Variants in UBAC2 observed in about 807,000 individuals in gnomAD.
UBAC2 encodes ubiquitin-associated domain-containing protein 2.
A neutral mutation model predicts 44.0 loss-of-function variants in UBAC2; 26 were observed. That is an observed-to-expected ratio of 0.59 (90% CI 0.43 to 0.82). The LOEUF is 0.82. Ranked by LOEUF, UBAC2 falls within the 40% of genes least tolerant of loss-of-function variation. UBAC2 has a pLI of 0.00. For missense variants in UBAC2, 329 were observed against 419.4 expected (o/e 0.78, Z 1.88); for synonymous variants, 155 against 154.3 (o/e 1.00, Z -0.04).
chr13:99,236,757 G>A (rs951442953), intron 1 of UBAC2, among the ~76,000 whole-genome samples: 1 of 152,154 alleles, frequency 6.6e-6, no homozygotes, highest in South Asian at 2.1e-4. Context: ...GGCTGAGGCA[G>A]GAGAATCACT....
intron 7 of UBAC2, among the ~76,000 whole-genome samples, chr13:99,363,864 C>T (rs1179961570): frequency 6.6e-6 from 1 of 152,226 alleles, no homozygotes; most frequent in Non-Finnish European, 1.5e-5. Context: ...AATTCAGGAA[C>T]ATGCTGAATC....
chr13:99,297,808 TA>T (rs752253836), intron 4 of UBAC2, among the ~76,000 whole-genome samples: 4,204 of 143,820 alleles, frequency 0.029, 93 homozygotes, highest in African/African-American at 0.064. Context: ...CGGTTTAGAT[TA>T]AAAAAAAAAA....
chr13:99,209,202 G>A (rs900141091), intron 1 of UBAC2, among the ~76,000 whole-genome samples: 1 of 151,984 alleles, frequency 6.6e-6, no homozygotes, highest in Non-Finnish European at 1.5e-5. Context: ...AGGCCATCGA[G>A]CCCCTACCTC....
In UBAC2 at chr13:99,242,609, C is replaced by T. The variant is rs1475323967; in HGVS notation, c.160-1223C>T. On this transcript the variant is annotated intron_variant, in intron 2 of 8. Transcript: ENST00000403766. ...GCAGAGGCGCCCCTCACCTCCCAGA[C>T]GGGGTGGCTGGCCAGGCGGGGGGCT... Among the ~76,000 whole-genome samples, 9 of 132,682 alleles carry T rather than the reference C, an allele frequency of 6.8e-5. No homozygotes were observed. The East Asian group carries it at 1.6e-3, about 24-fold the overall frequency. 87.0% of individuals were successfully genotyped at this position (132,682 alleles called of 152,430 possible).
At chr13:99,261,937 T>G (rs1353220217) in intron 4 of UBAC2, among the ~76,000 whole-genome samples, 1 of 152,236 alleles carries the variant, frequency 6.6e-6, no homozygotes, top group Non-Finnish European at 1.5e-5. Context: ...TTACCTTCAG[T>G]CAAATATGGT....
intron 7 of UBAC2, among the ~76,000 whole-genome samples, chr13:99,342,474 G>A (rs553757788): frequency 2.0e-5 from 3 of 152,212 alleles, no homozygotes; most frequent in African/African-American, 4.8e-5. Flanking sequence ...GCTTGCAGAC[G>A]GTAGTTATCA....
intron 4 of UBAC2, among the ~76,000 whole-genome samples, chr13:99,310,733 T>A (rs2044400035): frequency 1.3e-5 from 2 of 152,376 alleles, no homozygotes; most frequent in Admixed American, 6.5e-5. Flanking sequence ...ACTGTGGTCA[T>A]TAAAATTTCT....
chr13:99,230,218 C>G (rs947944533), intron 1 of UBAC2, among the ~76,000 whole-genome samples: 1 of 152,122 alleles, frequency 6.6e-6, no homozygotes, highest in Non-Finnish European at 1.5e-5. Flanking sequence ...AATCATAGCA[C>G]TTTGGGAGGC....
intron 4 of UBAC2, among the ~76,000 whole-genome samples, chr13:99,265,270 A>T (rs1447756648): frequency 6.6e-6 from 1 of 152,252 alleles, no homozygotes; most frequent in Non-Finnish European, 1.5e-5. Context: ...TATGACTTTC[A>T]GCTCATACAG....
In UBAC2 at chr13:99,367,909, A is replaced by G; in HGVS notation, c.927+3A>G. On this transcript the variant is annotated splice_donor_region_variant and intron_variant, in intron 8 of 8. Transcript: ENST00000403766. The stretch of plus-strand genomic sequence containing the variant: ...CTCTAGAAGTTTCTGAGGAACAGGT[A>G]ATTAATCAGTAATACCTGGTACTCA... 2 of 1,613,582 alleles carry G rather than the reference A, an allele frequency of 1.2e-6. No individual in the cohort carries two copies. Among genetic ancestry groups the G allele is most frequent in the Non-Finnish European group, 1.7e-6 (2 of 1,179,740 alleles).
At chr13:99,244,412 C>CACACAT in intron 3 of UBAC2, 103 bp from the exon 4 acceptor site, 1 of 741,144 alleles carries the variant, frequency 1.3e-6, no homozygotes. Context: ...CACACACACA[C>CACACAT]ATACATATGA....
At chr13:99,287,421 G>T (rs1043441102) in intron 4 of UBAC2, among the ~76,000 whole-genome samples, 3 of 151,844 alleles carry the variant, frequency 2.0e-5, no homozygotes, top group African/African-American at 4.8e-5. Flanking sequence ...CTTCTTAACT[G>T]CTGTTCTTTT....
intron 4 of UBAC2, among the ~76,000 whole-genome samples, chr13:99,248,179 C>T (rs1399600620): frequency 2.0e-5 from 3 of 152,052 alleles, no homozygotes; most frequent in African/African-American, 4.8e-5. Flanking sequence ...TATTTCCAAC[C>T]CACACTACTC....
intron 8 of UBAC2, 124 bp from the exon 9 acceptor site, chr13:99,385,104 G>A: frequency 2.9e-6 from 2 of 685,910 alleles, no homozygotes; most frequent in South Asian, 1.7e-5. Flanking sequence ...ATATTGAAAT[G>A]AAAATTGGTT....
Position 99,255,161 on chromosome 13 carries a change from G to A in UBAC2, c.389+10537G>A, listed in dbSNP as rs1212467314. The A allele has an allele frequency of 2.5e-6, 4 of 1,613,996 alleles. No homozygotes were observed. In the African/African-American group the frequency reaches 5.3e-5, roughly 22 times the overall value. ...ATAAAGCAGACGAGCACCTGCACCA[G>A]CAGCGTGATGATGATCCTTATGGAC... On this transcript the variant is annotated intron_variant, in intron 4 of 8. Coordinates refer to ENST00000403766, the MANE Select transcript of UBAC2 (RefSeq NM_001144072.2).
At chr13:99,282,429 G>A (rs2043966040) in intron 4 of UBAC2, among the ~76,000 whole-genome samples, 1 of 152,120 alleles carries the variant, frequency 6.6e-6, no homozygotes, top group South Asian at 2.1e-4. Flanking sequence ...TTTTAAAGAG[G>A]TTTAACATCT....
Position 99,340,434 on chromosome 13 carries a change from G to A in UBAC2, c.676G>A (p.Glu226Lys), listed in dbSNP as rs1182608420. Residue 226 changes from glutamate (E) to lysine (K), a missense_variant, in exon 7 of 9, where the codon GAA becomes AAA. Glu to Lys is a moderately conservative substitution (Grantham distance 56). Coordinates refer to ENST00000403766, the MANE Select transcript of UBAC2 (RefSeq NM_001144072.2). Reference protein sequence around the residue: ...WTLEPIFSSSEPTSEARIGMG... With the variant: ...WTLEPIFSSSKPTSEARIGMG... ...ACTTGAACCCATCTTCTCTTCTTCA[G>A]AACCCACCAGCGAAGCCAGAATTGG... The A allele has an allele frequency of 6.2e-7, 1 of 1,614,142 alleles. No homozygotes were observed. Among genetic ancestry groups the A allele is most frequent in the African/African-American group, 1.3e-5 (1 of 75,018 alleles).
At chr13:99,245,348 A>G (rs1463939764) in intron 4 of UBAC2, among the ~76,000 whole-genome samples, 2 of 152,338 alleles carry the variant, frequency 1.3e-5, no homozygotes, top group East Asian at 3.8e-4. Context: ...AAAAGCTGAT[A>G]ATGTTTAAAC....
At chr13:99,237,271 T>TATACACACACACACAC (rs374683969) in intron 1 of UBAC2, among the ~76,000 whole-genome samples, 4 of 144,928 alleles carry the variant, frequency 2.8e-5, no homozygotes, top group Admixed American at 6.9e-5. Flanking sequence ...TATATATATA[T>TATACACACACACACAC]ACACACACAC....
Sources: allele counts gnomAD v4.1 joint callset (sites outside exome capture counted in the v4.1 genomes callset), GRCh38; gene constraint gnomAD v4.1.1; transcripts MANE v1.5; gene names NCBI Gene and HGNC (gene_info 2026-07-23, HGNC 2026-07-21).